Variants in ABCC12 observed in about 807,000 individuals in gnomAD.
The protein encoded by ABCC12 is ATP-binding cassette sub-family C member 12.
A neutral mutation model predicts 151.1 loss-of-function variants in ABCC12; 142 were observed. That is an observed-to-expected ratio of 0.94 (90% confidence interval 0.82 to 1.08). The LOEUF is 1.08. ABCC12 is among the 50% of genes least tolerant of loss of function. ABCC12 has a pLI of 0.00. For synonymous variants in ABCC12, 645 were observed against 646.4 expected (o/e 1.00, Z 0.03); for missense variants, 1,638 against 1,691.1 (o/e 0.97, Z 0.55).
chr16:48,139,062 C>G (rs1964709563), intron 7 of ABCC12, 101 bp downstream of exon 7: 1 of 1,322,472 alleles, frequency 7.6e-7, no homozygotes, highest in Non-Finnish European at 1.0e-6. Context: ...CAAAATGGGG[C>G]ACAGGCTTCA....
chr16:48,140,597 G>T (rs1822371402), intron 6 of ABCC12, 90 bp downstream of exon 6: 3 of 1,242,458 alleles, frequency 2.4e-6, no homozygotes, highest in Non-Finnish European at 3.4e-6. Context: ...CAAAAGGAAG[G>T]CAGGTGCTCC....
At chr16:48,094,019 C>T (rs982720877) in intron 24 of ABCC12, among the ~76,000 whole-genome samples, 3 of 152,150 alleles carry the variant, frequency 2.0e-5, no homozygotes, top group African/African-American at 7.2e-5. Flanking sequence ...ACAAGTGTTC[C>T]CATAGATCTC....
intron 2 of ABCC12, among the ~76,000 whole-genome samples, chr16:48,147,397 C>T (rs1965038825): frequency 6.6e-6 from 1 of 152,136 alleles, no homozygotes; most frequent in African/African-American, 2.4e-5. Flanking sequence ...TTGAGTTGGT[C>T]TCTGCCACTT....
At chr16:48,113,203 C>T (rs568586210) in intron 15 of ABCC12, among the ~76,000 whole-genome samples, 10 of 152,300 alleles carry the variant, frequency 6.6e-5, no homozygotes, top group Admixed American at 5.2e-4. Flanking sequence ...CTTGATTGGG[C>T]GAGTTGGGAG....
At chr16:48,132,916 T>A (rs1479520630) in intron 9 of ABCC12, among the ~76,000 whole-genome samples, 1 of 152,196 alleles carries the variant, frequency 6.6e-6, no homozygotes, top group East Asian at 1.9e-4. Flanking sequence ...TGATTTGCTA[T>A]AAGTCATAGC....
intron 3 of ABCC12, among the ~76,000 whole-genome samples, chr16:48,144,750 T>C (rs903995972): frequency 1.3e-5 from 2 of 152,182 alleles, no homozygotes; most frequent in Non-Finnish European, 2.9e-5. Context: ...GGTTCTTGAC[T>C]GAGGCCCTGC....
In ABCC12 at chr16:48,140,733, T is replaced by C. The variant is rs1268901293; in HGVS notation, c.611A>G (p.Glu204Gly). The C allele has an allele frequency of 3.7e-6, 6 of 1,614,064 alleles. No homozygotes were observed. The East Asian group carries it at 1.3e-4, about 36-fold the overall frequency. The change falls in exon 6 of 31, where the codon GAA becomes GGA. Residue 204 changes from glutamate to glycine, a missense_variant. By Grantham distance (98) the Glu-to-Gly change is moderately conservative. Coordinates refer to ENST00000311303, the MANE Select transcript of ABCC12 (RefSeq NM_001393797.1). The part of the protein sequence containing the change: ...LKVALSTLVF[E>G]NLVSFKTLTH... ...CAATGTCTTGAAGGACACTAGGTTTTCAAAAACCAAGGTGGAGAGCGCCAC... is the reference window on the plus strand; with the variant it reads ...CAATGTCTTGAAGGACACTAGGTTTCCAAAAACCAAGGTGGAGAGCGCCAC...
chr16:48,108,706 G>T (rs916710598), intron 18 of ABCC12, among the ~76,000 whole-genome samples, 177 bp from the exon 19 acceptor site: 1 of 152,146 alleles, frequency 6.6e-6, no homozygotes, highest in African/African-American at 2.4e-5. Context: ...TGTGCTACTC[G>T]GTCTTCAGTA....
intron 24 of ABCC12, among the ~76,000 whole-genome samples, chr16:48,093,424 G>A (rs1962983334): frequency 6.6e-6 from 1 of 152,034 alleles, no homozygotes; most frequent in Non-Finnish European, 1.5e-5. Flanking sequence ...TATCCTTCAG[G>A]TCTCAGCTTG....
At chr16:48,098,889 AT>A (rs1189112854) in intron 23 of ABCC12, among the ~76,000 whole-genome samples, 3 of 152,172 alleles carry the variant, frequency 2.0e-5, no homozygotes. Context: ...CAAAGTTTGC[AT>A]GTGTGTTTGT....
rs777611152 is a variant in ABCC12 at position 48,087,957 on chromosome 16, G to T, written c.3604C>A (p.Gln1202Lys). The T allele has an allele frequency of 6.2e-7, 1 of 1,614,174 alleles. No homozygotes were observed. The highest frequency in any genetic ancestry group is 8.5e-7 in the Non-Finnish European group (1 of 1,180,006). ...DLRTKLTVIPQDPVLFVGTVR... is the reference protein window; with the variant it reads ...DLRTKLTVIPKDPVLFVGTVR... Reference sequence around the variant, plus strand: ...GTACCTACAAACAGGACAGGATCCTGTGGGATCACAGTCAGCTTGGTTCTG... The same window carrying T: ...GTACCTACAAACAGGACAGGATCCTTTGGGATCACAGTCAGCTTGGTTCTG... Residue 1202 changes from glutamine to lysine, a missense_variant, in exon 27 of 31, where the codon CAG becomes AAG. Gln to Lys is a moderately conservative substitution (Grantham distance 53). Coordinates refer to ENST00000311303, the MANE Select transcript of ABCC12 (RefSeq NM_001393797.1).
In ABCC12 at chr16:48,104,518, G is replaced by A; in HGVS notation, c.2674-150C>T. ...CAGGTGATCTTGGGAAAGGGAGGAT[G>A]CACCCCATTCTTGCGGCCACCGTGA... On this transcript the variant is annotated intron_variant, in intron 21 of 30. Transcript: ENST00000311303. 2 of 685,076 alleles carry A rather than the reference G, an allele frequency of 2.9e-6. 1 individual carries two copies. The highest frequency in any genetic ancestry group is 3.7e-5 in the South Asian group (2 of 53,626). 42.4% of individuals were successfully genotyped at this position (685,076 alleles called of 1,614,324 possible). A position where few individuals can be genotyped will look rare whatever the true frequency, so the allele number is the denominator to read the frequency against.
chr16:48,137,759 G>T (rs1321476966), intron 8 of ABCC12, among the ~76,000 whole-genome samples: 1 of 152,224 alleles, frequency 6.6e-6, no homozygotes, highest in Admixed American at 6.5e-5. Context: ...TTTAAAAAAA[G>T]TAAAACTACA....
rs1963405672 is a variant in ABCC12, at chr16:48,104,261, T to C, written c.2781A>G (p.Ala927=). ...TAAAAAACTGCTGCAGAAAGTTCTC[T>C]GCGTGAAACGGCAGCCTCACATCCA... is the stretch of plus-strand genomic sequence containing the variant. ...DELDVRLPFH[A]ENFLQQFFMV... The change falls in exon 22 of 31, where the codon GCA becomes GCG. Residue 927 remains alanine, a synonymous_variant. Coordinates refer to ENST00000311303, the MANE Select transcript of ABCC12 (RefSeq NM_001393797.1). 13 of 1,614,238 alleles carry C rather than the reference T, an allele frequency of 8.1e-6. No individual in the cohort carries two copies. The East Asian group carries it at 8.9e-5, about 11-fold the overall frequency.
At chr16:48,093,587 C>T (rs1371829364) in intron 24 of ABCC12, among the ~76,000 whole-genome samples, 1 of 152,112 alleles carries the variant, frequency 6.6e-6, no homozygotes, top group Non-Finnish European at 1.5e-5. Flanking sequence ...ATTCCAGCTG[C>T]CCACTAGAAT....
At chr16:48,100,799 C>T in intron 23 of ABCC12, 73 bp downstream of exon 23, 1 of 1,537,174 alleles carries the variant, frequency 6.5e-7, no homozygotes, top group Non-Finnish European at 8.8e-7. Flanking sequence ...AGACTTCCCT[C>T]CTCCTGTGCA....
At chr16:48,096,206 T>G (rs563480132) in intron 24 of ABCC12, among the ~76,000 whole-genome samples, 1 of 152,362 alleles carries the variant, frequency 6.6e-6, no homozygotes, top group South Asian at 2.1e-4. Flanking sequence ...GTCATCAATA[T>G]TATGACTGTC....
At chr16:48,137,434 G>A (rs1205132883) in intron 8 of ABCC12, among the ~76,000 whole-genome samples, 1 of 152,214 alleles carries the variant, frequency 6.6e-6, no homozygotes, top group Non-Finnish European at 1.5e-5. Flanking sequence ...TTGCACTGAA[G>A]TGAACTCAGA....
chr16:48,130,085 G>A (rs149172026), intron 10 of ABCC12, among the ~76,000 whole-genome samples: 1,737 of 152,252 alleles, frequency 0.011, 16 homozygotes, highest in Middle Eastern at 0.058. Context: ...TTTCTGACTC[G>A]GGTGAGTAAG....
Sources: allele counts gnomAD v4.1 joint callset (sites outside exome capture counted in the v4.1 genomes callset), GRCh38; gene constraint gnomAD v4.1.1; transcripts MANE v1.5; gene names NCBI Gene and HGNC (gene_info 2026-07-23, HGNC 2026-07-21).